The following EXOC6B variants were observed in gnomAD, a reference collection of about 807,000 sequenced individuals.
The protein encoded by EXOC6B is SEC15 homolog B.
A neutral mutation model predicts 113.5 loss-of-function variants in EXOC6B; 54 were observed. The observed-to-expected ratio is 0.48, with a 90% CI of 0.38 to 0.60. The LOEUF (loss-of-function observed/expected upper bound fraction) is 0.60, where lower values mean the gene tolerates loss of function less well. EXOC6B is among the 20% of genes least tolerant of loss of function. EXOC6B has a pLI of 0.00. For synonymous variants in EXOC6B, 357 were observed against 339.0 expected, an observed-to-expected ratio of 1.05 and a Z score of -0.58; for missense variants, 797 against 977.5, an observed-to-expected ratio of 0.82 and a Z score of 2.46.
At chr2:72,454,376 C>T (rs980991793) in intron 18 of EXOC6B, among the ~76,000 whole-genome samples, 4 of 152,014 alleles carry the variant, frequency 2.6e-5, no homozygotes, top group African/African-American at 4.8e-5. Context: ...TGGCAGCACA[C>T]GCCTGTAATC....
At chr2:72,435,698 A>C (rs943400276) in intron 18 of EXOC6B, among the ~76,000 whole-genome samples, 1 of 148,842 alleles carries the variant, frequency 6.7e-6, no homozygotes, top group Non-Finnish European at 1.5e-5. Flanking sequence ...ATCGGAGACT[A>C]GGATTGCATC....
At chr2:72,207,465 GGCAT>G (rs1299679897) in intron 20 of EXOC6B, among the ~76,000 whole-genome samples, 3 of 152,120 alleles carry the variant, frequency 2.0e-5, no homozygotes, top group Non-Finnish European at 4.4e-5. Flanking sequence ...TAATTAGGTA[GGCAT>G]GCATATTGAA....
At chr2:72,819,974 G>A (rs1260951127) in intron 1 of EXOC6B, among the ~76,000 whole-genome samples, 2 of 152,108 alleles carry the variant, frequency 1.3e-5, no homozygotes, top group Non-Finnish European at 2.9e-5. Flanking sequence ...TAATGAGAAA[G>A]TGTCACGAAC....
intron 6 of EXOC6B, among the ~76,000 whole-genome samples, chr2:72,649,415 G>A (rs776803722): frequency 6.6e-6 from 1 of 152,086 alleles, no homozygotes; most frequent in Non-Finnish European, 1.5e-5. Flanking sequence ...CCATTATCCT[G>A]ATGTGACTAT....
chr2:72,626,322 T>G (rs1013791076), intron 6 of EXOC6B, among the ~76,000 whole-genome samples: 8 of 152,132 alleles, frequency 5.3e-5, no homozygotes, highest in African/African-American at 1.9e-4. Context: ...TATTTGGAGT[T>G]CATCTGAAAA....
intron 19 of EXOC6B, among the ~76,000 whole-genome samples, chr2:72,375,385 A>T (rs1691292824): frequency 6.6e-6 from 1 of 152,200 alleles, no homozygotes; most frequent in African/African-American, 2.4e-5. Flanking sequence ...CAAATGGAAC[A>T]TTTGACTAGA....
chr2:72,556,207 T>C (rs1341024503), intron 8 of EXOC6B, among the ~76,000 whole-genome samples: 1 of 152,214 alleles, frequency 6.6e-6, no homozygotes, highest in Non-Finnish European at 1.5e-5. Flanking sequence ...TGACACCTGC[T>C]TGTTATGAGA....
At chr2:72,380,862 C>A (rs1397086405) in intron 18 of EXOC6B, among the ~76,000 whole-genome samples, 3 of 152,070 alleles carry the variant, frequency 2.0e-5, no homozygotes, top group African/African-American at 7.2e-5. Context: ...AATTTTATAT[C>A]TGTTATTTAT....
At chr2:72,391,848 C>T (rs945802865) in intron 18 of EXOC6B, among the ~76,000 whole-genome samples, 1 of 152,088 alleles carries the variant, frequency 6.6e-6, no homozygotes, top group African/African-American at 2.4e-5. Context: ...TAAGTCCAGC[C>T]TGAGCAACAT....
chr2:72,823,904 T>C (rs1166931734), intron 1 of EXOC6B, among the ~76,000 whole-genome samples: 1 of 152,186 alleles, frequency 6.6e-6, no homozygotes, highest in Non-Finnish European at 1.5e-5. Flanking sequence ...TATTTGGTAT[T>C]ATAAGTAATC....
chr2:72,746,528 T>C (rs901010723), intron 1 of EXOC6B, among the ~76,000 whole-genome samples: 1 of 152,082 alleles, frequency 6.6e-6, no homozygotes, highest in African/African-American at 2.4e-5. Context: ...CATGTGCATA[T>C]TAAGAGATCT....
intron 20 of EXOC6B, among the ~76,000 whole-genome samples, chr2:72,284,971 T>C (rs1370078938): frequency 1.3e-5 from 2 of 152,020 alleles, no homozygotes; most frequent in Non-Finnish European, 2.9e-5. Flanking sequence ...TGATAAAATA[T>C]CAAAGAATAA....
intron 6 of EXOC6B, among the ~76,000 whole-genome samples, chr2:72,704,576 G>A (rs1001685194): frequency 1.6e-4 from 24 of 151,902 alleles, no homozygotes; most frequent in Admixed American, 3.3e-4. Context: ...TTGATAGACC[G>A]CTAGCAAGAC....
intron 18 of EXOC6B, among the ~76,000 whole-genome samples, chr2:72,402,131 G>C (rs945077464): frequency 4.0e-5 from 6 of 151,852 alleles, no homozygotes; most frequent in Non-Finnish European, 5.9e-5. Flanking sequence ...TCTAGTCTTG[G>C]ACTTTTCTTT....
chr2:72,468,417 C>T (rs1698191362), intron 17 of EXOC6B, among the ~76,000 whole-genome samples: 1 of 152,088 alleles, frequency 6.6e-6, no homozygotes, highest in African/African-American at 2.4e-5. Flanking sequence ...ATCCTTTCCC[C>T]TTTTGTGTGT....
intron 6 of EXOC6B, among the ~76,000 whole-genome samples, chr2:72,696,014 A>T (rs560242005): frequency 1.3e-5 from 2 of 152,200 alleles, no homozygotes; most frequent in Non-Finnish European, 2.9e-5. Flanking sequence ...GTATATATAT[A>T]TAATTTTCAT....
At chr2:72,402,997 C>A (rs1471440623) in intron 18 of EXOC6B, among the ~76,000 whole-genome samples, 3 of 152,056 alleles carry the variant, frequency 2.0e-5, no homozygotes, top group African/African-American at 7.2e-5. Flanking sequence ...GACCAAAAAA[C>A]CAAAAACAAC....
intron 6 of EXOC6B, among the ~76,000 whole-genome samples, chr2:72,578,617 T>C (rs1705020046): frequency 6.6e-6 from 1 of 152,036 alleles, no homozygotes; most frequent in Non-Finnish European, 1.5e-5. Flanking sequence ...GTGTTAAAAG[T>C]CTACATGGTA....
At chr2:72,600,584 A>C (rs1171961370) in intron 6 of EXOC6B, among the ~76,000 whole-genome samples, 2 of 152,120 alleles carry the variant, frequency 1.3e-5, no homozygotes, top group Non-Finnish European at 1.5e-5. Flanking sequence ...TTGACTAGAA[A>C]ATGAAGAAAA....
Sources: allele counts gnomAD v4.1 joint callset (sites outside exome capture counted in the v4.1 genomes callset), GRCh38; gene constraint gnomAD v4.1.1; transcripts MANE v1.5; gene names NCBI Gene and HGNC (gene_info 2026-07-23, HGNC 2026-07-21).